The following ZSCAN25 variants were observed in gnomAD, a reference collection of about 807,000 sequenced individuals.
ZSCAN25 encodes zinc finger and SCAN domain-containing protein 25.
In ZSCAN25, 27 loss-of-function variants were observed where a neutral mutation model predicts 38.7. That is an observed-to-expected ratio of 0.70 (90% CI 0.51 to 0.96). The LOEUF (loss-of-function observed/expected upper bound fraction) is 0.96. ZSCAN25 is among the 40% of genes least tolerant of loss of function. ZSCAN25 has a pLI of 0.00. For missense variants in ZSCAN25, 637 were observed against 705.9 expected, an observed-to-expected ratio of 0.90 and a Z score of 1.11; for synonymous variants, 273 against 277.7, an observed-to-expected ratio of 0.98 and a Z score of 0.17.
At chr7:99,717,213 C>T in the ZSCAN25 span, 5 of 1,613,894 alleles carry the variant, frequency 3.1e-6, no homozygotes, top group East Asian at 2.2e-5. Context: ...CTCTGCTTCC[C>T]GCCTCAGATT....
chr7:99,711,678 T>A, the ZSCAN25 span, among the ~76,000 whole-genome samples: 1 of 152,188 alleles, frequency 6.6e-6, no homozygotes, highest in East Asian at 1.9e-4. Context: ...TGAGGCAGAA[T>A]AATCGCTTGA....
chr7:99,703,349 G>A, the ZSCAN25 span, among the ~76,000 whole-genome samples: 5 of 152,280 alleles, frequency 3.3e-5, no homozygotes, highest in East Asian at 7.7e-4. Context: ...AAGAGCTCTG[G>A]TTCCTTTCCA....
At chr7:99,624,468 G>A in intron 7 of ZSCAN25, 1 of 398,980 alleles carries the variant, frequency 2.5e-6, no homozygotes, top group Non-Finnish European at 4.7e-6. Context: ...GACACTGAGG[G>A]CTTGAGAACA....
the ZSCAN25 span, among the ~76,000 whole-genome samples, chr7:99,716,996 C>CCAGCTGCCCCACCTCCTCATCG: frequency 6.6e-6 from 1 of 152,204 alleles, no homozygotes; most frequent in African/African-American, 2.4e-5. Flanking sequence ...TCCTTTTCCT[C>CCAGCTGCCCCACCTCCTCATCG]CAGCTGCCCC....
At chr7:99,676,040 G>C in the ZSCAN25 span, 1 of 1,295,422 alleles carries the variant, frequency 7.7e-7, no homozygotes, top group East Asian at 2.3e-5. Flanking sequence ...CTCCCAAGGA[G>C]GGGCATTTTT....
the ZSCAN25 span, among the ~76,000 whole-genome samples, chr7:99,726,741 T>C: frequency 1.3e-5 from 2 of 152,226 alleles, no homozygotes; most frequent in African/African-American, 2.4e-5. Flanking sequence ...CCTTCTACTC[T>C]GTAGTCCCTC....
chr7:99,672,971 T>C, the ZSCAN25 span: 1 of 1,045,430 alleles, frequency 9.6e-7, no homozygotes. Flanking sequence ...CAGTAGAGCA[T>C]TCGTTAAGCT....
the ZSCAN25 span, chr7:99,647,568 T>C: frequency 3.0e-6 from 3 of 985,274 alleles, no homozygotes; most frequent in South Asian, 1.4e-4. Context: ...GGAGATGTGG[T>C]AAAAATAATA....
At chr7:99,652,454 G>T in the ZSCAN25 span, 111 of 744,984 alleles carry the variant, frequency 1.5e-4, 1 homozygote, top group East Asian at 2.8e-3. Flanking sequence ...ACAAGCAAAT[G>T]ATTGTACAAC....
the ZSCAN25 span, chr7:99,710,954 T>C: frequency 1.2e-6 from 2 of 1,611,246 alleles, no homozygotes; most frequent in African/African-American, 1.3e-5. Context: ...ACAGTTTAGA[T>C]GAAAAGAAAT....
chr7:99,667,661 TG>T, the ZSCAN25 span, among the ~76,000 whole-genome samples: 1 of 152,214 alleles, frequency 6.6e-6, no homozygotes, highest in Admixed American at 6.5e-5. Flanking sequence ...TTTCCCAACT[TG>T]GGGCTGGACT....
Position 99,629,044 on chromosome 7 carries a change from AAG to A in ZSCAN25, c.806-145_806-144del. ...AGACATGGAGGTGGAAATAAGGAAA[AAG>A]AAGTAAGGAAAGCCTGAGTTGAGGT... On this transcript the variant is annotated intron_variant, in intron 7 of 7. Transcript: ENST00000394152. The surrounding 1 kb of genome is among the most constrained non-coding windows in gnomAD (Gnocchi z 5.6). 8.7e-7 allele frequency: 1 copy of A among 1,147,386 alleles called. No individual in the cohort carries two copies. The allele number at this position is 1,147,386 out of a possible 1,614,324, so 71.1% of individuals were successfully genotyped here. A position where few individuals can be genotyped will look rare whatever the true frequency, so the allele number is the denominator to read the frequency against.
At chr7:99,660,214 CTTTTTTTTTT>C in the ZSCAN25 span, 182 of 429,914 alleles carry the variant, frequency 4.2e-4, 2 homozygotes, top group East Asian at 2.6e-3. Context: ...CGCCACACTC[CTTTTTTTTTT>C]TTTTTTTTTT....
In ZSCAN25 at chr7:99,630,004, A is replaced by C. The variant is rs1807866015; in HGVS notation, c.1619A>C (p.Glu540Ala). 2 of 1,569,610 alleles carry C rather than the reference A, an allele frequency of 1.3e-6. No individual in the cohort carries two copies. Among genetic ancestry groups the C allele is most frequent in the Admixed American group, 1.9e-5 (1 of 53,440 alleles). ...CACCAGAAGACCCAGCACCGCCAGG[A>C]GCCGCTGGTGCAGTGAGCATAGCAG... is the stretch of plus-strand genomic sequence containing the variant. ...NRHQKTQHRQ[E>A]PLVQ The change falls in exon 8 of 8, where the codon GAG becomes GCG. Residue 540 changes from glutamate to alanine, a missense_variant. Glu to Ala is a moderately radical substitution (Grantham distance 107). Transcript: ENST00000394152.
chr7:99,622,669 A>T (rs772123228), intron 6 of ZSCAN25, 29 bp downstream of exon 6: 1 of 1,604,370 alleles, frequency 6.2e-7, no homozygotes, highest in African/African-American at 1.3e-5. Context: ...TGCAGAAATC[A>T]TGACCGTTGC....
the ZSCAN25 span, among the ~76,000 whole-genome samples, chr7:99,687,106 A>C: frequency 2.6e-5 from 4 of 152,258 alleles, no homozygotes; most frequent in South Asian, 8.3e-4. Flanking sequence ...AACTCTAAAA[A>C]GCAGAGTGCC....
Position 99,632,104 on chromosome 7 carries a change from A to G in ZSCAN25, c.*2084A>G. On this transcript the variant is annotated 3_prime_UTR_variant, in exon 8 of 8. Transcript: ENST00000394152. ...GCCAGCATTCCTCTGGGTTTCAGCAAGTTGGCATATCTTAAGCTTCAGAAG... is the reference window on the plus strand; with the variant it reads ...GCCAGCATTCCTCTGGGTTTCAGCAGGTTGGCATATCTTAAGCTTCAGAAG... The G allele has an allele frequency of 6.1e-6, 6 of 985,412 alleles. No individual in the cohort carries two copies. Among genetic ancestry groups the G allele is most frequent in the Non-Finnish European group, 7.2e-6 (6 of 829,970 alleles). 61.0% of individuals were successfully genotyped at this position (985,412 alleles called of 1,614,324 possible). A position where few individuals can be genotyped will look rare whatever the true frequency, so the allele number is the denominator to read the frequency against.
the ZSCAN25 span, chr7:99,648,128 C>T: frequency 2.3e-6 from 3 of 1,317,120 alleles, no homozygotes; most frequent in Non-Finnish European, 2.9e-6. Flanking sequence ...CTACATAATG[C>T]ACAACACTCT....
the ZSCAN25 span, among the ~76,000 whole-genome samples, chr7:99,692,355 A>G: frequency 6.6e-6 from 1 of 152,066 alleles, no homozygotes; most frequent in Non-Finnish European, 1.5e-5. Context: ...ACCTTGGTGA[A>G]TCTGATAATT....
Sources: allele counts gnomAD v4.1 joint callset (sites outside exome capture counted in the v4.1 genomes callset), GRCh38; gene constraint gnomAD v4.1.1; non-coding constraint Gnocchi (gnomAD v3.1); transcripts MANE v1.5; gene names NCBI Gene and HGNC (gene_info 2026-07-23, HGNC 2026-07-21).